MEIS2: variants seen among roughly 807,000 people sequenced by gnomAD.
MEIS2 encodes the protein homeobox protein Meis2.
In MEIS2, 9 loss-of-function variants were observed where a neutral mutation model predicts 58.6. That is an observed-to-expected ratio of 0.15 (90% CI 0.09 to 0.27). MEIS2 has a LOEUF of 0.27. Ranked by LOEUF, MEIS2 falls within the 10% of genes least tolerant of loss-of-function variation. The probability of loss-of-function intolerance (pLI) is 1.00; values close to 1 mark genes in which losing one functional copy is unlikely to be tolerated. For missense variants in MEIS2, 427 were observed against 635.0 expected, an observed-to-expected ratio of 0.67 and a Z score of 3.52; for synonymous variants, 221 against 228.4, an observed-to-expected ratio of 0.97 and a Z score of 0.29.
chr15:36,928,137 A>G (rs1030878660), intron 9 of MEIS2, among the ~76,000 whole-genome samples: 2 of 152,196 alleles, frequency 1.3e-5, no homozygotes, highest in African/African-American at 2.4e-5. Context: ...TATGAAAAAC[A>G]AAAACGTTGC....
chr15:36,957,878 A>T (rs2141417928), intron 8 of MEIS2, among the ~76,000 whole-genome samples: 1 of 152,322 alleles, frequency 6.6e-6, no homozygotes, highest in African/African-American at 2.4e-5. Flanking sequence ...AGAGATTGAG[A>T]CAATCATTTA....
chr15:37,093,499 A>G (rs1022535342), intron 6 of MEIS2, 82 bp downstream of exon 6: 153 of 1,489,506 alleles, frequency 1.0e-4, no homozygotes, highest in Middle Eastern at 4.2e-4. Flanking sequence ...AAACTAAATC[A>G]GTGGAGCTAG....
intron 10 of MEIS2, 49 bp from the exon 11 acceptor site, chr15:36,895,310 C>A (rs1481968953): frequency 1.3e-6 from 2 of 1,518,038 alleles, no homozygotes; most frequent in Non-Finnish European, 1.8e-6. Context: ...AAAAGATATA[C>A]CAAACAATCA....
intron 8 of MEIS2, among the ~76,000 whole-genome samples, chr15:36,967,327 G>A (rs1015887162): frequency 6.6e-6 from 1 of 152,136 alleles, no homozygotes; most frequent in Admixed American, 6.6e-5. Flanking sequence ...AATTGAATGA[G>A]GTGAGATAGG....
Position 37,083,846 on chromosome 15 carries a change from T to C in MEIS2, c.679A>G (p.Thr227Ala), listed in dbSNP as rs1359901644. Residue 227 changes from threonine to alanine, a missense_variant, in exon 7 of 12, where the codon ACC becomes GCC. By Grantham distance (58) the Thr-to-Ala change is moderately conservative. Coordinates refer to ENST00000561208, the MANE Select transcript of MEIS2 (RefSeq NM_170675.5). ...SWRDHDDATSTHSAGTPGPSS... is the reference protein window; with the variant it reads ...SWRDHDDATSAHSAGTPGPSS... ...GGCCCTGGGGTGCCTGCTGAGTGGG[T>C]TGAGGTTGCATCATCGTGGTCTCGC... 1 of 1,614,038 alleles carries C rather than the reference T, an allele frequency of 6.2e-7. No individual in the cohort carries two copies. The highest frequency in any genetic ancestry group is 1.1e-5 in the South Asian group (1 of 91,068).
intron 8 of MEIS2, among the ~76,000 whole-genome samples, chr15:37,024,787 C>A (rs1204969124): frequency 6.6e-6 from 1 of 152,176 alleles, no homozygotes; most frequent in African/African-American, 2.4e-5. Flanking sequence ...CAATTCTTCT[C>A]CACCAGCTTG....
chr15:37,084,993 A>G (rs1892707053), intron 6 of MEIS2, among the ~76,000 whole-genome samples: 1 of 152,222 alleles, frequency 6.6e-6, no homozygotes, highest in Non-Finnish European at 1.5e-5. Flanking sequence ...AGGAAGGGGC[A>G]AAATAGTTCC....
intron 8 of MEIS2, among the ~76,000 whole-genome samples, chr15:36,991,714 T>C (rs986961044): frequency 2.0e-5 from 3 of 149,386 alleles, no homozygotes; most frequent in Non-Finnish European, 3.0e-5. Flanking sequence ...CTTAAAGCTA[T>C]CAGGCTACAC....
chr15:37,021,239 C>T (rs978135570), intron 8 of MEIS2, among the ~76,000 whole-genome samples: 1 of 152,192 alleles, frequency 6.6e-6, no homozygotes, highest in East Asian at 1.9e-4. Context: ...CTAGACTGTT[C>T]TCTCTTCCCT....
chr15:37,100,543 C>A lies in MEIS2; in HGVS notation c.-1077G>T, dbSNP rs1314301504. On this transcript the variant is annotated 5_prime_UTR_variant, in exon 1 of 12. Transcript: ENST00000561208. ...GCCGCGCCGAGCCTCTGATATGCAA[C>A]GAGTGCGATCGGACAGCCCCGGCTG... 5 of 114,612 alleles carry A rather than the reference C, an allele frequency of 4.4e-5. No homozygotes were observed. The highest frequency in any genetic ancestry group is 6.9e-5 in the African/African-American group (2 of 28,936). 7.1% of individuals were successfully genotyped at this position (114,612 alleles called of 1,614,324 possible). A position where few individuals can be genotyped will look rare whatever the true frequency, so the allele number is the denominator to read the frequency against.
At chr15:37,002,328 C>G (rs12905010) in intron 8 of MEIS2, among the ~76,000 whole-genome samples, 72,639 of 149,836 alleles carry the variant, frequency 0.48, 17,861 homozygotes, top group South Asian at 0.6. Flanking sequence ...CTTAAAACAT[C>G]TACTAATTTC....
At chr15:37,096,018 G>A (rs2140094821) in intron 3 of MEIS2, 1 of 453,710 alleles carries the variant, frequency 2.2e-6, no homozygotes, top group Non-Finnish European at 3.9e-6. Flanking sequence ...GGAGGCGGGG[G>A]AAAAAGGCCA....
chr15:37,010,165 G>C (rs1452310521), intron 8 of MEIS2, among the ~76,000 whole-genome samples: 1 of 151,936 alleles, frequency 6.6e-6, no homozygotes, highest in Admixed American at 6.6e-5. Flanking sequence ...TCGGCTCACT[G>C]CAAGCTCTGC....
chr15:37,003,298 C>T (rs1049525227), intron 8 of MEIS2, among the ~76,000 whole-genome samples: 2 of 152,078 alleles, frequency 1.3e-5, no homozygotes, highest in African/African-American at 4.8e-5. Context: ...TCATCAGACA[C>T]TCACTTTTGC....
intron 8 of MEIS2, among the ~76,000 whole-genome samples, chr15:36,998,188 C>T (rs1054393602): frequency 2.0e-5 from 3 of 149,956 alleles, no homozygotes. Context: ...TTGATCAGCA[C>T]AGACTACGAC....
chr15:37,058,054 G>A (rs573723078), intron 7 of MEIS2, among the ~76,000 whole-genome samples: 2 of 152,258 alleles, frequency 1.3e-5, no homozygotes, highest in Admixed American at 1.3e-4. Context: ...AAGTTTCTCA[G>A]GTTACAGCCC....
intron 8 of MEIS2, among the ~76,000 whole-genome samples, chr15:36,980,895 C>G (rs1567138664): frequency 1.3e-5 from 2 of 152,130 alleles, no homozygotes; most frequent in Non-Finnish European, 2.9e-5. Flanking sequence ...ATCTTAATTA[C>G]CATAGCTTTA....
chr15:36,895,308 T>C (rs983116437), intron 10 of MEIS2, 47 bp from the exon 11 acceptor site: 1 of 1,523,854 alleles, frequency 6.6e-7, no homozygotes, highest in African/African-American at 1.4e-5. Flanking sequence ...AGAAAAGATA[T>C]ACCAAACAAT....
intron 7 of MEIS2, among the ~76,000 whole-genome samples, chr15:37,067,993 G>A (rs892201627): frequency 1.3e-5 from 2 of 152,196 alleles, no homozygotes; most frequent in African/African-American, 4.8e-5. Context: ...GGAGCATATT[G>A]TATTATAGAT....
Sources: gnomAD v4.1 joint callset for allele counts (sites outside exome capture counted in the v4.1 genomes callset) on GRCh38, gnomAD v4.1.1 for gene constraint, MANE v1.5 for transcripts, NCBI Gene and HGNC (gene_info 2026-07-23, HGNC 2026-07-21) for gene names.